EYA2: variants seen among roughly 807,000 people sequenced by gnomAD.
The protein encoded by EYA2 is protein phosphatase EYA2.
Under a neutral mutation model 69.2 loss-of-function variants are expected in EYA2, and 31 were observed. That is an observed-to-expected ratio of 0.45 (90% CI 0.34 to 0.60). The LOEUF (loss-of-function observed/expected upper bound fraction) is 0.60. Among genes scored for constraint, EYA2 ranks in the 20% least tolerant of loss-of-function variants. The pLI, the probability that EYA2 is intolerant of heterozygous loss-of-function variation, is 0.02. For missense variants in EYA2, 622 were observed against 701.2 expected, an observed-to-expected ratio of 0.89 and a Z score of 1.28; for synonymous variants, 257 against 279.4, an observed-to-expected ratio of 0.92 and a Z score of 0.80.
chr20:47,138,749 CAA>C (rs199541664), intron 9 of EYA2, among the ~76,000 whole-genome samples: 6 of 135,762 alleles, frequency 4.4e-5, no homozygotes, highest in Non-Finnish European at 6.4e-5. Flanking sequence ...GACCCTGTCT[CAA>C]AAAAAAAAAA....
chr20:46,980,947 A>G (rs1010070808), intron 1 of EYA2, among the ~76,000 whole-genome samples: 4 of 152,118 alleles, frequency 2.6e-5, no homozygotes, highest in Non-Finnish European at 5.9e-5. Flanking sequence ...ATTGTTTTTT[A>G]TGGCTGAATA....
chr20:46,947,257 A>T (rs755867881), intron 1 of EYA2, among the ~76,000 whole-genome samples: 1 of 152,064 alleles, frequency 6.6e-6, no homozygotes, highest in Admixed American at 6.6e-5. Context: ...TAGTCTTTCA[A>T]ATATTTTAGA....
intron 9 of EYA2, among the ~76,000 whole-genome samples, chr20:47,098,441 C>G (rs1230727318): frequency 6.6e-6 from 1 of 152,228 alleles, no homozygotes; most frequent in Non-Finnish European, 1.5e-5. Context: ...ACTCATCTTG[C>G]CCTTAGAGGC....
intron 5 of EYA2, among the ~76,000 whole-genome samples, chr20:47,063,887 G>C (rs1269572003): frequency 6.6e-6 from 1 of 152,142 alleles, no homozygotes; most frequent in Non-Finnish European, 1.5e-5. Context: ...TTCTTTCATT[G>C]CTTTGCTTTT....
chr20:47,162,416 G>A (rs2034087034), intron 10 of EYA2, among the ~76,000 whole-genome samples: 1 of 151,272 alleles, frequency 6.6e-6, no homozygotes, highest in Non-Finnish European at 1.5e-5. Context: ...TCTATCCCTA[G>A]TCCAATACTA....
At chr20:47,157,449 C>T (rs2033976670) in intron 10 of EYA2, among the ~76,000 whole-genome samples, 1 of 147,302 alleles carries the variant, frequency 6.8e-6, no homozygotes, top group African/African-American at 2.5e-5. Context: ...TCCTAAATGA[C>T]ATTTGTTAGA....
At chr20:47,160,925 G>T in intron 10 of EYA2, 1 of 247,606 alleles carries the variant, frequency 4.0e-6, no homozygotes, top group South Asian at 7.0e-5. Flanking sequence ...TTCCTGACCT[G>T]AATTCCTGAA....
intron 1 of EYA2, among the ~76,000 whole-genome samples, chr20:46,938,234 T>C (rs2146259546): frequency 6.6e-6 from 1 of 152,334 alleles, no homozygotes; most frequent in African/African-American, 2.4e-5. Context: ...ACGTAGTCAT[T>C]GTTTAAAGCT....
At chr20:47,041,807 C>T (rs1354625658) in intron 5 of EYA2, among the ~76,000 whole-genome samples, 1 of 152,002 alleles carries the variant, frequency 6.6e-6, no homozygotes, top group Non-Finnish European at 1.5e-5. Context: ...ATGGCTTTGT[C>T]ACATCAAAAT....
Position 47,172,806 on chromosome 20 carries a change from G to C in EYA2, c.1137G>C (p.Lys379Asn). ...ACGGCGGCGTGGACTGGATGAGGAA[G>C]CTGGCCTTCCGCTACCGGCGGGTGA... The part of the protein sequence containing the change: ...GVHGGVDWMR[K>N]LAFRYRRVKE... The change falls in exon 12 of 16, where the codon AAG becomes AAC. Residue 379 changes from lysine (K) to asparagine (N), a missense_variant. Lys to Asn is a moderately conservative substitution (Grantham distance 94). Transcript: ENST00000327619. 4 of 1,614,172 alleles carry C rather than the reference G, an allele frequency of 2.5e-6. No individual in the cohort carries two copies. The highest frequency in any genetic ancestry group is 1.1e-5 in the South Asian group (1 of 91,086).
intron 9 of EYA2, among the ~76,000 whole-genome samples, chr20:47,141,611 T>C (rs1225658860): frequency 6.6e-6 from 1 of 152,250 alleles, no homozygotes; most frequent in African/African-American, 2.4e-5. Context: ...TGTGGTCAGC[T>C]GTATCTCTGA....
chr20:47,182,986 G>A (rs2034566849), intron 14 of EYA2, among the ~76,000 whole-genome samples: 1 of 152,202 alleles, frequency 6.6e-6, no homozygotes, highest in African/African-American at 2.4e-5. Context: ...AAATGGTTGT[G>A]CATCCATTGC....
chr20:46,935,864 A>G (rs900484930), intron 1 of EYA2, among the ~76,000 whole-genome samples: 1 of 152,042 alleles, frequency 6.6e-6, no homozygotes, highest in African/African-American at 2.4e-5. Flanking sequence ...CATCATAATA[A>G]TAAGTATTAT....
chr20:47,124,948 CTTTG>C, intron 9 of EYA2, among the ~76,000 whole-genome samples: 1 of 149,796 alleles, frequency 6.7e-6, no homozygotes, highest in East Asian at 2.0e-4. Context: ...CAACATCTTT[CTTTG>C]TTCTCTTAAA....
chr20:46,986,792 A>T (rs1981252805), intron 1 of EYA2, among the ~76,000 whole-genome samples: 1 of 152,088 alleles, frequency 6.6e-6, no homozygotes, highest in Non-Finnish European at 1.5e-5. Context: ...ACAAGAACTC[A>T]CTCATACCAT....
chr20:46,960,560 TC>T (rs1227579571), intron 1 of EYA2, among the ~76,000 whole-genome samples: 1 of 152,122 alleles, frequency 6.6e-6, no homozygotes, highest in African/African-American at 2.4e-5. Context: ...GTGGCTGGGC[TC>T]CCGTCGTCCA....
chr20:47,117,046 C>T (rs2032915405), intron 9 of EYA2, among the ~76,000 whole-genome samples: 1 of 134,582 alleles, frequency 7.4e-6, no homozygotes, highest in Non-Finnish European at 1.5e-5. Context: ...ACCCAGACTT[C>T]AGTGCGGTAG....
chr20:47,021,146 A>G (rs1983721147), intron 5 of EYA2, among the ~76,000 whole-genome samples: 1 of 152,228 alleles, frequency 6.6e-6, no homozygotes, highest in Non-Finnish European at 1.5e-5. Flanking sequence ...TATCGTTATT[A>G]TGATTGACAT....
At chr20:47,030,535 A>AT (rs1984348789) in intron 5 of EYA2, among the ~76,000 whole-genome samples, 1 of 78,646 alleles carries the variant, frequency 1.3e-5, no homozygotes, top group Non-Finnish European at 4.2e-5. Context: ...TTTATATCCC[A>AT]GGGAGGATAC....
Sources: gnomAD v4.1 joint callset for allele counts (sites outside exome capture counted in the v4.1 genomes callset) on GRCh38, gnomAD v4.1.1 for gene constraint, MANE v1.5 for transcripts, NCBI Gene and HGNC (gene_info 2026-07-23, HGNC 2026-07-21) for gene names.